The following FSTL5 variants were observed in gnomAD, a reference collection of about 807,000 sequenced individuals.
The protein encoded by FSTL5 is follistatin-related protein 5.
A neutral mutation model predicts 89.1 loss-of-function variants in FSTL5; 62 were observed. The ratio of observed to expected loss-of-function variants is 0.70; its 90% CI spans 0.57 to 0.86. The LOEUF is 0.86. FSTL5 is among the 40% of genes least tolerant of loss of function. The pLI is 0.00. For synonymous variants in FSTL5, 383 were observed against 346.2 expected (o/e 1.11, Z -1.18); for missense variants, 1,057 against 1,001.6 (o/e 1.06, Z -0.75).
At chr4:161,816,537 A>C (rs1730331448) in intron 4 of FSTL5, among the ~76,000 whole-genome samples, 1 of 152,188 alleles carries the variant, frequency 6.6e-6, no homozygotes, top group South Asian at 2.1e-4. Flanking sequence ...TTGCTAGTAC[A>C]ACCTAAAATT....
intron 6 of FSTL5, among the ~76,000 whole-genome samples, chr4:161,741,620 T>A (rs1740029378): frequency 6.6e-6 from 1 of 151,422 alleles, no homozygotes; most frequent in South Asian, 2.1e-4. Context: ...TAATGAAGAA[T>A]GAAGCAAAAT....
intron 6 of FSTL5, among the ~76,000 whole-genome samples, chr4:161,754,045 T>TAAAAA (rs10649973): frequency 0.64 from 54,410 of 84,732 alleles, 18,676 homozygotes; most frequent in East Asian, 0.72. Context: ...CCGTCTCAAT[T>TAAAAA]AAAAAAAAAA....
At chr4:162,038,550 C>G (rs1737827074) in intron 2 of FSTL5, among the ~76,000 whole-genome samples, 1 of 151,882 alleles carries the variant, frequency 6.6e-6, no homozygotes, top group Admixed American at 6.6e-5. Context: ...TCTGAAGCAT[C>G]TAAACAAACT....
At chr4:161,647,389 A>G (rs34347027) in intron 7 of FSTL5, among the ~76,000 whole-genome samples, 6 of 152,278 alleles carry the variant, frequency 3.9e-5, no homozygotes, top group Non-Finnish European at 8.8e-5. Context: ...TAATTACTGT[A>G]GCTTAGTAGT....
intron 4 of FSTL5, among the ~76,000 whole-genome samples, chr4:161,914,454 A>C (rs1174792095): frequency 2.0e-5 from 3 of 152,112 alleles, no homozygotes; most frequent in African/African-American, 7.2e-5. Context: ...TTTGGGGGAG[A>C]AATGTAGTGG....
At chr4:162,133,669 A>G (rs1205640767) in intron 1 of FSTL5, among the ~76,000 whole-genome samples, 1 of 152,186 alleles carries the variant, frequency 6.6e-6, no homozygotes, top group African/African-American at 2.4e-5. Flanking sequence ...TATATATTTA[A>G]TAAGTGAATG....
At chr4:161,732,875 C>G (rs1739663884) in intron 6 of FSTL5, among the ~76,000 whole-genome samples, 2 of 151,116 alleles carry the variant, frequency 1.3e-5, no homozygotes, top group African/African-American at 4.9e-5. Flanking sequence ...GTACATACCA[C>G]TCTGTTTTTA....
chr4:161,913,004 T>C (rs749203433), intron 4 of FSTL5, among the ~76,000 whole-genome samples: 1 of 152,160 alleles, frequency 6.6e-6, no homozygotes, highest in African/African-American at 2.4e-5. Context: ...TTGAAAGATA[T>C]GATTTAGGGT....
chr4:161,829,141 A>ATT (rs963628309), intron 4 of FSTL5, among the ~76,000 whole-genome samples: 1 of 136,410 alleles, frequency 7.3e-6, no homozygotes, highest in Non-Finnish European at 1.5e-5. Context: ...GTCACATTTT[A>ATT]TATATATATA....
Position 161,458,080 on chromosome 4 carries a change from AC to A in FSTL5, c.1716+1131del, listed in dbSNP as rs146091051. Among the ~76,000 whole-genome samples the A allele has an allele frequency of 6.6e-3, 1,009 of 152,310 alleles. 11 individuals carry two copies. The highest frequency in any genetic ancestry group is 0.021 in the African/African-American group (873 of 41,564). ...GCGTCACATGCAGGGGACACAAGGC[AC>A]CCAGCTGAGCACCATCACCATGCGA... On this transcript the variant is annotated intron_variant, in intron 14 of 15. Coordinates refer to ENST00000306100, the MANE Select transcript of FSTL5 (RefSeq NM_020116.5).
chr4:161,871,113 T>C (rs17458468), intron 4 of FSTL5, among the ~76,000 whole-genome samples: 7,169 of 152,228 alleles, frequency 0.047, 213 homozygotes, highest in Non-Finnish European at 0.07. Flanking sequence ...AAAGAGGTAA[T>C]GCACAATTGT....
At chr4:162,129,998 A>C (rs1474047919) in intron 1 of FSTL5, among the ~76,000 whole-genome samples, 1 of 152,194 alleles carries the variant, frequency 6.6e-6, no homozygotes, top group Non-Finnish European at 1.5e-5. Flanking sequence ...TACAAATATA[A>C]AGCAATAGAA....
At chr4:161,576,952 T>G (rs1302534852) in intron 8 of FSTL5, among the ~76,000 whole-genome samples, 3 of 152,226 alleles carry the variant, frequency 2.0e-5, no homozygotes, top group African/African-American at 7.2e-5. Flanking sequence ...TAGTCTTTTC[T>G]CCATACATAG....
chr4:161,826,303 C>G (rs1730666246), intron 4 of FSTL5, among the ~76,000 whole-genome samples: 1 of 152,070 alleles, frequency 6.6e-6, no homozygotes, highest in South Asian at 2.1e-4. Flanking sequence ...ATCATATGGT[C>G]TCTCTTGGAG....
At chr4:161,783,566 T>C in intron 4 of FSTL5, among the ~76,000 whole-genome samples, 1 of 151,484 alleles carries the variant, frequency 6.6e-6, no homozygotes, top group African/African-American at 2.4e-5. Flanking sequence ...CTTTCTTTTC[T>C]TTTCTTTCTT....
intron 7 of FSTL5, among the ~76,000 whole-genome samples, chr4:161,608,912 G>C (rs1734547712): frequency 6.6e-6 from 1 of 151,818 alleles, no homozygotes; most frequent in South Asian, 2.1e-4. Flanking sequence ...CCTGTTGCCT[G>C]GTATATATAT....
chr4:162,095,425 C>T (rs1430213348), intron 2 of FSTL5, among the ~76,000 whole-genome samples: 2 of 152,036 alleles, frequency 1.3e-5, no homozygotes, highest in Non-Finnish European at 2.9e-5. Flanking sequence ...CAGTTTTCTC[C>T]AAATGACTTA....
chr4:162,154,757 A>C (rs543159839), intron 1 of FSTL5, among the ~76,000 whole-genome samples: 46 of 152,292 alleles, frequency 3.0e-4, no homozygotes, highest in African/African-American at 1.1e-3. Context: ...AGAGAATAAA[A>C]TCCAATGTGG....
intron 4 of FSTL5, among the ~76,000 whole-genome samples, chr4:161,892,641 T>C (rs1733025031): frequency 1.3e-5 from 2 of 152,156 alleles, no homozygotes; most frequent in African/African-American, 2.4e-5. Context: ...AAGTATTCCA[T>C]AAAAATTCAG....
Sources: gnomAD v4.1 joint callset for allele counts (sites outside exome capture counted in the v4.1 genomes callset) on GRCh38, gnomAD v4.1.1 for gene constraint, MANE v1.5 for transcripts, NCBI Gene and HGNC (gene_info 2026-07-23, HGNC 2026-07-21) for gene names.